Variants in SQSTM1 observed in about 807,000 individuals in gnomAD.
SQSTM1 encodes sequestosome-1.
A neutral mutation model predicts 45.1 loss-of-function variants in SQSTM1; 36 were observed. The ratio of observed to expected loss-of-function variants is 0.80; its 90% CI spans 0.61 to 1.05. The LOEUF (loss-of-function observed/expected upper bound fraction) is 1.05. Ranked by LOEUF, SQSTM1 falls within the 50% of genes least tolerant of loss-of-function variation. The pLI, the probability that SQSTM1 is intolerant of heterozygous loss-of-function variation, is 0.00. For synonymous variants in SQSTM1, 290 were observed against 244.3 expected (o/e 1.19, Z -1.74); for missense variants, 617 against 607.1 (o/e 1.02, Z -0.17).
intron 1 of SQSTM1, chr5:179,807,695 C>G (rs947660993): frequency 2.6e-5 from 4 of 152,650 alleles, no homozygotes; most frequent in African/African-American, 9.6e-5. Flanking sequence ...CTCTGTTGCC[C>G]AGGCTGCAGT....
At chr5:179,828,367 A>ATTTTTTTTTTTTTTTTT (rs1758082914) in intron 5 of SQSTM1, among the ~76,000 whole-genome samples, 1 of 94,662 alleles carries the variant, frequency 1.1e-5, no homozygotes, top group Non-Finnish European at 2.3e-5. Context: ...TTTTTTTCTT[A>ATTTTTTTTTTTTTTTTT]TCTTTTTTTT....
chr5:179,820,908 G>C lies in SQSTM1; in HGVS notation c.-29G>C, dbSNP rs1299978477. On this transcript the variant is annotated 5_prime_UTR_variant, in exon 1 of 8. Transcript: ENST00000389805. ...CCGCGCGGCGGCTGCGACCGGGACG[G>C]CCCGTTTTCCGCCAGCTCGCCGCTC... 3 of 1,490,720 alleles carry C rather than the reference G, an allele frequency of 2.0e-6. No individual in the cohort carries two copies. The highest frequency in any genetic ancestry group is 1.8e-6 in the Non-Finnish European group (2 of 1,118,364). The allele number at this position is 1,490,720 out of a possible 1,614,324, so 92.3% of individuals were successfully genotyped here. A position where few individuals can be genotyped will look rare whatever the true frequency, so the allele number is the denominator to read the frequency against.
upstream of SQSTM1, among the ~76,000 whole-genome samples, chr5:179,814,672 G>T (rs1036084633): frequency 6.6e-6 from 1 of 152,208 alleles, no homozygotes; most frequent in Admixed American, 6.5e-5. Context: ...AATGCTTGGC[G>T]TATAGGTGAT....
chr5:179,833,360 C>T, intron 6 of SQSTM1, 114 bp downstream of exon 6: 3 of 1,075,068 alleles, frequency 2.8e-6, no homozygotes, highest in Non-Finnish European at 4.1e-6. Context: ...CCCGAGGGAG[C>T]TGCTGCTGCT....
chr5:179,837,616 T>C lies in SQSTM1; in HGVS notation c.*1023T>C, dbSNP rs2113529003. 1 of 1,614,240 alleles carries C rather than the reference T, an allele frequency of 6.2e-7. No individual in the cohort carries two copies. Among genetic ancestry groups the C allele is most frequent in the East Asian group, 2.2e-5 (1 of 44,894 alleles). ...TGCTGAGGCCTTCTCTTGAGGCCTG[T>C]GCTCTGGGGGTCCCTTGCTTAGCCT... is the stretch of plus-strand genomic sequence containing the variant. On this transcript the variant is annotated 3_prime_UTR_variant, in exon 8 of 8. Transcript: ENST00000389805.
chr5:179,835,680 A>G (rs478790), intron 7 of SQSTM1: 20,575 of 63,368 alleles, frequency 0.32, 2,602 homozygotes, highest in African/African-American at 0.51. Context: ...ACCGTGGAGA[A>G]AGAGGGAGAG....
At chr5:179,821,570 C>T (rs1216978688) in intron 1 of SQSTM1, 1 of 460,574 alleles carries the variant, frequency 2.2e-6, no homozygotes, top group Non-Finnish European at 4.3e-6. Context: ...TCAGATAATG[C>T]CCTGGAGGAG....
At chr5:179,831,792 T>C (rs1184798248) in intron 5 of SQSTM1, among the ~76,000 whole-genome samples, 1 of 149,594 alleles carries the variant, frequency 6.7e-6, no homozygotes, top group Non-Finnish European at 1.5e-5. Context: ...TGAATGTTCT[T>C]TTTTTTTTTT....
intron 7 of SQSTM1, 132 bp downstream of exon 7, chr5:179,833,914 G>C: frequency 9.8e-7 from 1 of 1,024,664 alleles, no homozygotes; most frequent in Non-Finnish European, 1.5e-6. Context: ...GGTGTGGGAG[G>C]TTAGGAGTTG....
chr5:179,808,376 A>G (rs1340898205), intron 1 of SQSTM1: 2 of 152,212 alleles, frequency 1.3e-5, no homozygotes, highest in Non-Finnish European at 2.9e-5. Context: ...TTTCCGAACT[A>G]GAGACTGGGA....
upstream of SQSTM1, among the ~76,000 whole-genome samples, chr5:179,819,497 C>T (rs992940176): frequency 2.0e-5 from 3 of 152,250 alleles, no homozygotes; most frequent in Non-Finnish European, 4.4e-5. Flanking sequence ...TTGTGTCCCT[C>T]ACCCTGCTCA....
chr5:179,833,477 ACTGCAC>A, intron 6 of SQSTM1, 104 bp from the exon 7 acceptor site: 2 of 1,209,328 alleles, frequency 1.7e-6, no homozygotes, highest in Non-Finnish European at 2.4e-6. Flanking sequence ...TGCAGCCTTA[ACTGCAC>A]GTGTGCATGC....
At chr5:179,822,781 G>T in intron 1 of SQSTM1, 177 bp from the exon 2 acceptor site, 1 of 686,784 alleles carries the variant, frequency 1.5e-6, no homozygotes. Flanking sequence ...CACCTTCCAG[G>T]AGGTGCCAGA....
In SQSTM1 at chr5:179,837,909, C is replaced by CT; in HGVS notation, c.*1317dup. 1 of 1,592,496 alleles carries CT rather than the reference C, an allele frequency of 6.3e-7. No individual in the cohort carries two copies. Among genetic ancestry groups the CT allele is most frequent in the South Asian group, 1.1e-5 (1 of 90,546 alleles). On this transcript the variant is annotated 3_prime_UTR_variant, in exon 8 of 8. Coordinates refer to ENST00000389805, the MANE Select transcript of SQSTM1 (RefSeq NM_003900.5). ...CCCTGAAAGAGAAGATGGCCATGCC[C>CT]TCCATGTGTAAGAACAATGCCAGGG...
At chr5:179,813,044 G>C (rs1319896641) in intron 2 of SQSTM1, 1 of 148,454 alleles carries the variant, frequency 6.7e-6, no homozygotes, top group Non-Finnish European at 1.5e-5. Flanking sequence ...CTAACCAGGG[G>C]TCCTTCATCT....
rs532584128 is a variant in SQSTM1 at position 179,834,528 on chromosome 5, G to A, written c.1165+746G>A. 3.9e-3 allele frequency among the ~76,000 whole-genome samples: 591 copies of A among 151,860 alleles called. 2 individuals are homozygous for A. Among genetic ancestry groups the A allele is most frequent in the Middle Eastern group, 0.01 (3 of 294 alleles). The stretch of plus-strand genomic sequence containing the variant: ...TCAGCAGATAAACAAGTGAACAAAG[G>A]TCTCTGGTTTTCCTAGGCAGAGGAC... On this transcript the variant is annotated intron_variant, in intron 7 of 7. Coordinates refer to ENST00000389805, the MANE Select transcript of SQSTM1 (RefSeq NM_003900.5).
At chr5:179,834,511 T>TAAAC (rs990412032) in intron 7 of SQSTM1, among the ~76,000 whole-genome samples, 3 of 151,814 alleles carry the variant, frequency 2.0e-5, no homozygotes, top group African/African-American at 7.3e-5. Flanking sequence ...GGTCAGCAGA[T>TAAAC]AAACAAGTGA....
intron 5 of SQSTM1, among the ~76,000 whole-genome samples, chr5:179,832,284 C>T (rs1350870058): frequency 1.3e-5 from 2 of 152,186 alleles, no homozygotes; most frequent in East Asian, 1.9e-4. Context: ...ACTGGTGACT[C>T]TAAGCTGTGG....
intron 6 of SQSTM1, 153 bp from the exon 7 acceptor site, chr5:179,833,434 C>T (rs566122704): frequency 2.0e-6 from 2 of 989,462 alleles, no homozygotes; most frequent in Non-Finnish European, 1.5e-6. Flanking sequence ...GTTACTTGGT[C>T]TTTGTGAGTG....
Sources: allele counts gnomAD v4.1 joint callset (sites outside exome capture counted in the v4.1 genomes callset), GRCh38; gene constraint gnomAD v4.1.1; transcripts MANE v1.5; gene names NCBI Gene and HGNC (gene_info 2026-07-23, HGNC 2026-07-21).